Variants in NRG2 observed in about 807,000 individuals in gnomAD.
NRG2 encodes the protein neuregulin 2.
A neutral mutation model predicts 73.9 loss-of-function variants in NRG2; 27 were observed. The observed-to-expected ratio is 0.37, with a 90% CI of 0.27 to 0.50. The LOEUF is 0.50. Ranked by LOEUF, NRG2 falls within the 20% of genes least tolerant of loss-of-function variation. The pLI, the probability that NRG2 is intolerant of heterozygous loss-of-function variation, is 0.96. For missense variants in NRG2, 1,126 were observed against 1,210.1 expected (o/e 0.93, Z 1.03); for synonymous variants, 532 against 541.0 (o/e 0.98, Z 0.23).
chr5:139,920,360 G>T (rs17118536), intron 1 of NRG2, among the ~76,000 whole-genome samples: 21,477 of 152,096 alleles, frequency 0.14, 1,587 homozygotes, highest in South Asian at 0.26. Flanking sequence ...GCAGTATGTC[G>T]CCCAAATAAG....
chr5:139,929,757 G>C (rs149702846), intron 1 of NRG2, among the ~76,000 whole-genome samples: 6 of 152,288 alleles, frequency 3.9e-5, no homozygotes, highest in African/African-American at 1.4e-4. Context: ...TTCTCGGCAG[G>C]CCCTCCAACA....
At chr5:139,893,932 G>A (rs1266258169) in intron 1 of NRG2, among the ~76,000 whole-genome samples, 1 of 152,150 alleles carries the variant, frequency 6.6e-6, no homozygotes, top group Non-Finnish European at 1.5e-5. Context: ...CTATCTCCTG[G>A]TGCCAAGCCA....
intron 1 of NRG2, among the ~76,000 whole-genome samples, chr5:139,923,319 TGC>T (rs1751817701): frequency 6.6e-6 from 1 of 152,206 alleles, no homozygotes; most frequent in Non-Finnish European, 1.5e-5. Flanking sequence ...GCAGTGTTTG[TGC>T]CACATGCTCT....
intron 2 of NRG2, among the ~76,000 whole-genome samples, chr5:139,882,242 C>G (rs1268184424): frequency 6.6e-6 from 1 of 152,058 alleles, no homozygotes; most frequent in African/African-American, 2.4e-5. Context: ...GAGAGGCAAG[C>G]AGATAGGCTG....
At position 140,042,943 on chromosome 5, in the gene NRG2, TCTC is replaced by T. The variant is rs1554125455; in HGVS notation, c.124_126del (p.Glu42del). 6.5e-7 allele frequency: 1 copy of T among 1,543,210 alleles called. No homozygotes were observed. The highest frequency in any genetic ancestry group is 1.4e-5 in the African/African-American group (1 of 72,986). On this transcript the variant is annotated inframe_deletion, in exon 1 of 10. Transcript: ENST00000361474. ...CTGCTGCTCCTGCTGCTGCTGCCGC[TCTC>T]GCTGCTGCTGCTGCTGCTGCTGCTG...
Position 139,847,284 on chromosome 5 carries a change from C to G in NRG2, c.*633G>C, listed in dbSNP as rs545540140. 6.6e-6 allele frequency: 1 copy of G among 152,060 alleles called. No individual in the cohort carries two copies. The highest frequency in any genetic ancestry group is 1.5e-5 in the Non-Finnish European group (1 of 68,056). 9.4% of individuals were successfully genotyped at this position (152,060 alleles called of 1,614,324 possible). On this transcript the variant is annotated 3_prime_UTR_variant, in exon 10 of 10. Coordinates refer to ENST00000361474, the MANE Select transcript of NRG2 (RefSeq NM_004883.3). The stretch of plus-strand genomic sequence containing the variant: ...TCTTGGGGAAACGTTTCTCTGCCCC[C>G]CCTCCTTTAACAGCTGTGAGTAGCC...
At chr5:140,015,743 G>T (rs571710022) in intron 1 of NRG2, among the ~76,000 whole-genome samples, 5 of 152,272 alleles carry the variant, frequency 3.3e-5, no homozygotes, top group Admixed American at 2.6e-4. Context: ...CTCAGGGAGG[G>T]CTTCCCTGCA....
intron 1 of NRG2, among the ~76,000 whole-genome samples, chr5:140,011,018 T>A (rs1759321329): frequency 6.6e-6 from 1 of 152,250 alleles, no homozygotes; most frequent in Non-Finnish European, 1.5e-5. Context: ...CTCCCACTAC[T>A]GTTTGTCCTG....
intron 3 of NRG2, among the ~76,000 whole-genome samples, chr5:139,876,647 A>T (rs1250354649): frequency 6.6e-6 from 1 of 152,094 alleles, no homozygotes; most frequent in Non-Finnish European, 1.5e-5. Flanking sequence ...ACTGCCCACA[A>T]GTGCAGCTGC....
At position 139,906,726 on chromosome 5, in the gene NRG2, A is replaced by G. The variant is rs149931879; in HGVS notation, c.701-19215T>C. ...TTACACAAATAATGGATTGATTAAAATTTGTGTGAAATATTAAGGAGACAT... is the reference window on the plus strand; with the variant it reads ...TTACACAAATAATGGATTGATTAAAGTTTGTGTGAAATATTAAGGAGACAT... On this transcript the variant is annotated intron_variant, in intron 1 of 9. Transcript: ENST00000361474. 9.8e-4 allele frequency among the ~76,000 whole-genome samples: 149 copies of G among 152,336 alleles called. 2 individuals carry two copies. Among genetic ancestry groups the G allele is most frequent in the Admixed American group, 8.6e-3 (131 of 15,306 alleles).
intron 1 of NRG2, among the ~76,000 whole-genome samples, chr5:139,931,517 A>G (rs1362099945): frequency 2.0e-5 from 3 of 152,242 alleles, no homozygotes; most frequent in Non-Finnish European, 4.4e-5. Context: ...GGCCAAGGTT[A>G]AAGAGTGAAG....
intron 3 of NRG2, among the ~76,000 whole-genome samples, chr5:139,873,966 C>T (rs3777104): frequency 0.04 from 6,067 of 152,264 alleles, 298 homozygotes; most frequent in South Asian, 0.12. Context: ...GCTGGGACCC[C>T]GGGAAGGTAA....
At position 139,904,536 on chromosome 5, in the gene NRG2, C is replaced by T. The variant is rs755717196; in HGVS notation, c.701-17025G>A. The T allele has an allele frequency of 2.4e-4, 121 of 506,254 alleles. No homozygotes were observed. The highest frequency in any genetic ancestry group is 3.7e-4 in the Non-Finnish European group (106 of 289,512). 31.4% of individuals were successfully genotyped at this position (506,254 alleles called of 1,614,324 possible). On this transcript the variant is annotated intron_variant, in intron 1 of 9. Coordinates refer to ENST00000361474, the MANE Select transcript of NRG2 (RefSeq NM_004883.3). This position sits in a 1 kb window ranked among gnomAD's most constrained non-coding sequence, Gnocchi z 6.0. ...CCCTCCGGGGGAGGGGAGCAGCGAG[C>T]CTTAACTCTTCCCCTCCCGCGCCCT...
chr5:139,879,791 A>C (rs2127101124), intron 3 of NRG2, among the ~76,000 whole-genome samples: 1 of 152,274 alleles, frequency 6.6e-6, no homozygotes, highest in East Asian at 1.9e-4. Context: ...ATCCAGAAAG[A>C]AGACTGGCAA....
chr5:139,938,214 A>G (rs1336084066), intron 1 of NRG2, among the ~76,000 whole-genome samples: 2 of 152,254 alleles, frequency 1.3e-5, no homozygotes, highest in Non-Finnish European at 2.9e-5. Context: ...TGTGGGTTCA[A>G]TGAAATCTAA....
At chr5:140,030,316 T>C (rs1207061758) in intron 1 of NRG2, among the ~76,000 whole-genome samples, 1 of 152,162 alleles carries the variant, frequency 6.6e-6, no homozygotes, top group East Asian at 1.9e-4. Context: ...CAGAGCTCCC[T>C]AGGATGCACT....
At chr5:139,862,795 C>G (rs1168692892) in intron 5 of NRG2, among the ~76,000 whole-genome samples, 2 of 152,216 alleles carry the variant, frequency 1.3e-5, no homozygotes, top group African/African-American at 4.8e-5. Flanking sequence ...CTTGTGTGTA[C>G]AAGTATGTGT....
intron 1 of NRG2, among the ~76,000 whole-genome samples, chr5:140,024,113 G>C (rs572730053): frequency 1.3e-5 from 2 of 152,248 alleles, no homozygotes; most frequent in East Asian, 3.9e-4. Context: ...AGACTCCTGA[G>C]ACTACCCTAG....
chr5:139,958,935 G>A (rs758381074), intron 1 of NRG2, among the ~76,000 whole-genome samples: 2 of 152,210 alleles, frequency 1.3e-5, no homozygotes, highest in Non-Finnish European at 2.9e-5. Context: ...TTGGTGGCAT[G>A]AGTGACTTGC....
Sources: allele counts gnomAD v4.1 joint callset (sites outside exome capture counted in the v4.1 genomes callset), GRCh38; gene constraint gnomAD v4.1.1; non-coding constraint Gnocchi (gnomAD v3.1); transcripts MANE v1.5; gene names NCBI Gene and HGNC (gene_info 2026-07-23, HGNC 2026-07-21).